TTLL11: variants seen among roughly 807,000 people sequenced by gnomAD.
TTLL11 encodes tubulin polyglutamylase TTLL11.
Under a neutral mutation model 51.7 loss-of-function variants are expected in TTLL11, and 42 were observed. The observed-to-expected ratio is 0.81, with a 90% CI of 0.64 to 1.05. The LOEUF is 1.05. TTLL11 is among the 50% of genes least tolerant of loss of function. The pLI, the probability that TTLL11 is intolerant of heterozygous loss-of-function variation, is 0.00. For synonymous variants in TTLL11, 381 were observed against 383.5 expected, an observed-to-expected ratio of 0.99 and a Z score of 0.08; for missense variants, 799 against 940.4, an observed-to-expected ratio of 0.85 and a Z score of 1.97.
chr9:122,030,943 A>C (rs993449363), intron 3 of TTLL11, among the ~76,000 whole-genome samples: 2 of 152,136 alleles, frequency 1.3e-5, no homozygotes, highest in African/African-American at 4.8e-5. Context: ...TCCGTCTCAA[A>C]AACACAAAAA....
intron 3 of TTLL11, among the ~76,000 whole-genome samples, chr9:122,029,809 T>G (rs1178762851): frequency 1.3e-5 from 2 of 152,190 alleles, no homozygotes; most frequent in Non-Finnish European, 2.9e-5. Flanking sequence ...ACTCACAGAC[T>G]CACCCAGAGC....
At chr9:121,997,292 C>T (rs568478799) in intron 3 of TTLL11, among the ~76,000 whole-genome samples, 1 of 152,230 alleles carries the variant, frequency 6.6e-6, no homozygotes, top group Non-Finnish European at 1.5e-5. Flanking sequence ...CTTCTCACAC[C>T]CTGCCCCTAA....
chr9:121,945,314 C>G (rs1176459581), intron 6 of TTLL11, among the ~76,000 whole-genome samples: 1 of 152,206 alleles, frequency 6.6e-6, no homozygotes, highest in Non-Finnish European at 1.5e-5. Flanking sequence ...CACCCAGTAT[C>G]AGATTATTCC....
chr9:121,931,105 T>C (rs1007014355), intron 6 of TTLL11, among the ~76,000 whole-genome samples: 14 of 152,228 alleles, frequency 9.2e-5, no homozygotes, highest in African/African-American at 3.4e-4. Context: ...GTATGAGCTC[T>C]CCCTGCTCAG....
At chr9:122,036,154 C>T (rs34053249) in intron 2 of TTLL11, among the ~76,000 whole-genome samples, 5 of 152,042 alleles carry the variant, frequency 3.3e-5, no homozygotes, top group Non-Finnish European at 7.4e-5. Context: ...AGCAAAGCCC[C>T]TAGGCTGTAT....
chr9:122,091,763 T>G (rs559780477), intron 1 of TTLL11, among the ~76,000 whole-genome samples: 1 of 152,182 alleles, frequency 6.6e-6, no homozygotes, highest in Non-Finnish European at 1.5e-5. Context: ...TGAAAGCACA[T>G]TAAATACCTT....
At chr9:122,032,920 G>A (rs1382750474) in intron 2 of TTLL11, among the ~76,000 whole-genome samples, 2 of 150,782 alleles carry the variant, frequency 1.3e-5, no homozygotes, top group Non-Finnish European at 2.9e-5. Flanking sequence ...TCAGCCTCTC[G>A]AGTAGCTGGG....
intron 6 of TTLL11, among the ~76,000 whole-genome samples, chr9:121,881,578 C>T (rs11789054): frequency 0.26 from 39,265 of 152,196 alleles, 6,276 homozygotes; most frequent in African/African-American, 0.46. Flanking sequence ...GGTCAATTCC[C>T]GCGGTACAGG....
rs1364398631 is a variant in TTLL11 at position 122,092,760 on chromosome 9, G to A, written c.389C>T (p.Thr130Ile). The change falls in exon 1 of 9, where the codon ACC becomes ATC. Residue 130 changes from threonine (T) to isoleucine (I), a missense_variant. Thr to Ile is a moderately conservative substitution (Grantham distance 89). Around this residue, in one of 3 missense-constraint regions of TTLL11, gnomAD observed 468 missense variants for 612.8 expected, o/e 0.76. Transcript: ENST00000321582. ...GGTCCTGGCCTTGGAGCTGTCCACG[G>A]TGACCGGCCGCTGGGAGCCGTTCTC... ...SGENGSQRPV[T>I]VDSSKARTSL... The A allele has an allele frequency of 6.5e-7, 1 of 1,538,424 alleles. No homozygotes were observed. The highest frequency in any genetic ancestry group is 1.2e-5 in the South Asian group (1 of 84,236).
At chr9:121,950,147 A>G (rs35325731) in intron 6 of TTLL11, among the ~76,000 whole-genome samples, 30,450 of 152,058 alleles carry the variant, frequency 0.2, 3,207 homozygotes, top group Middle Eastern at 0.21. Context: ...GCATTGGAAG[A>G]GTATTCCAAT....
chr9:121,844,611 C>G (rs1837460377), intron 8 of TTLL11, among the ~76,000 whole-genome samples: 1 of 152,050 alleles, frequency 6.6e-6, no homozygotes. Context: ...GTTAAAGTCT[C>G]TAATGGAAAA....
intron 8 of TTLL11, among the ~76,000 whole-genome samples, chr9:121,823,634 G>T (rs191899559): frequency 6.6e-6 from 1 of 152,310 alleles, no homozygotes; most frequent in East Asian, 1.9e-4. Flanking sequence ...CGGTTTGACG[G>T]CAAAGTTCTA....
At position 121,917,486 on chromosome 9, in the gene TTLL11, A is replaced by AAAAGGAAAGAAAAGAAAAGG. The variant is rs1554768590; in HGVS notation, c.1482-46739_1482-46738insCCTTTTCTTTTCTTTCCTTT. Among the ~76,000 whole-genome samples the AAAAGGAAAGAAAAGAAAAGG allele has an allele frequency of 1.6e-4, 24 of 151,244 alleles. 1 individual carries two copies. In the East Asian group the frequency reaches 4.1e-3, roughly 26 times the overall value. On this transcript the variant is annotated intron_variant, in intron 6 of 8. Coordinates refer to ENST00000321582, the MANE Select transcript of TTLL11 (RefSeq NM_001139442.2). ...AAGACACTGTTGAAAGAAAGAAAAG[A>AAAAGGAAAGAAAAGAAAAGG]AAAGGAAAGAAAAGAAAAGAAGGAG...
chr9:121,850,648 A>T lies in TTLL11; in HGVS notation c.1840+9689T>A, dbSNP rs148334570. Among the ~76,000 whole-genome samples the T allele has an allele frequency of 1.6e-3, 243 of 152,206 alleles. 1 individual carries two copies. The highest frequency in any genetic ancestry group is 5.5e-3 in the African/African-American group (229 of 41,526). ...TCTATTTGGGCCCCCAGCTGATTGGATGGTGCCCACTCACATTGAGAGTGA... is the reference window on the plus strand; with the variant it reads ...TCTATTTGGGCCCCCAGCTGATTGGTTGGTGCCCACTCACATTGAGAGTGA... On this transcript the variant is annotated intron_variant, in intron 8 of 8. Coordinates refer to ENST00000321582, the MANE Select transcript of TTLL11 (RefSeq NM_001139442.2).
At chr9:121,932,628 C>T (rs1172181947) in intron 6 of TTLL11, among the ~76,000 whole-genome samples, 7 of 152,178 alleles carry the variant, frequency 4.6e-5, no homozygotes, top group Non-Finnish European at 8.8e-5. Context: ...CTTAACAGTT[C>T]AAAAAGAAAA....
chr9:121,974,819 C>T, intron 5 of TTLL11, 65 bp downstream of exon 5: 1 of 1,209,030 alleles, frequency 8.3e-7, no homozygotes, highest in Non-Finnish European at 1.2e-6. Flanking sequence ...GTTAAGTGAG[C>T]AACATGAGGG....
In TTLL11 at chr9:122,039,332, A is replaced by G. The variant is rs1844781523; in HGVS notation, c.499T>C (p.Trp167Arg). 1.9e-6 allele frequency: 3 copies of G among 1,613,978 alleles called. No individual in the cohort carries two copies. In the South Asian group the frequency reaches 3.3e-5, roughly 18 times the overall value. ...FGRRLPCDIY[W>R]HGVSFHDNDI... ...TTGTCGTGAAATGAAACTCCATGCC[A>G]GTAGATGTCACAAGGCAAGCGCCGG... Residue 167 changes from tryptophan (W) to arginine (R), a missense_variant, in exon 2 of 9, where the codon TGG (tryptophan) becomes CGG (arginine). Transcript: ENST00000321582.
intron 3 of TTLL11, among the ~76,000 whole-genome samples, chr9:122,004,222 G>A (rs1564352430): frequency 6.6e-6 from 1 of 152,178 alleles, no homozygotes; most frequent in Non-Finnish European, 1.5e-5. Context: ...ATTTTCCTCT[G>A]ATAAATCATT....
intron 1 of TTLL11, among the ~76,000 whole-genome samples, chr9:122,041,496 G>A (rs1191332789): frequency 6.6e-6 from 1 of 152,194 alleles, no homozygotes; most frequent in African/African-American, 2.4e-5. Context: ...TCTGTTTGTT[G>A]ATGACATGAT....
Sources: allele counts gnomAD v4.1 joint callset (sites outside exome capture counted in the v4.1 genomes callset), GRCh38; gene constraint gnomAD v4.1.1; regional missense constraint gnomAD v4.1.1; transcripts MANE v1.5; gene names NCBI Gene and HGNC (gene_info 2026-07-23, HGNC 2026-07-21).